AKAP8L: variants seen among roughly 807,000 people sequenced by gnomAD.
AKAP8L encodes the protein A-kinase anchor protein 8-like.
AKAP8L carries 34 observed loss-of-function variants against 77.5 expected under a neutral mutation model. That is an observed-to-expected ratio of 0.44 (90% CI 0.33 to 0.58). The LOEUF is 0.58. AKAP8L is among the 20% of genes least tolerant of loss of function. The pLI, the probability that AKAP8L is intolerant of heterozygous loss-of-function variation, is 0.02. For missense variants in AKAP8L, 806 were observed against 887.6 expected (o/e 0.91, Z 1.17); for synonymous variants, 342 against 340.7 (o/e 1.00, Z -0.04).
In AKAP8L at chr19:15,390,911, T is replaced by C. The variant is rs150771782; in HGVS notation, c.1536+6239A>G. On this transcript the variant is annotated intron_variant, in intron 12 of 13. Coordinates refer to ENST00000397410, the MANE Select transcript of AKAP8L (RefSeq NM_014371.4). ...CTTAACAGGACTAGAAGGGAACGTC[T>C]TCAACTCAATCAAGGGCACCTATGA... Among the ~76,000 whole-genome samples, 3 of 152,284 alleles carry C rather than the reference T, an allele frequency of 2.0e-5. No individual in the cohort carries two copies. In the East Asian group the frequency reaches 5.8e-4, roughly 29 times the overall value.
intron 12 of AKAP8L, among the ~76,000 whole-genome samples, chr19:15,387,841 C>G (rs1967572524): frequency 6.6e-6 from 1 of 152,104 alleles, no homozygotes; most frequent in Non-Finnish European, 1.5e-5. Flanking sequence ...TGCCTGTAAT[C>G]CCAGCTACTC....
rs1220996457 is a variant in AKAP8L at position 15,401,805 on chromosome 19, C to T, written c.363-202G>A. On this transcript the variant is annotated intron_variant, in intron 4 of 13. Coordinates refer to ENST00000397410, the MANE Select transcript of AKAP8L (RefSeq NM_014371.4). The surrounding 1 kb of genome is among the most constrained non-coding windows in gnomAD (Gnocchi z 6.2). ...ACTGCCCCAAACTTGAATGTAGCCACACACTGGCTTGGGGACCCTAAGAAG... is the reference window on the plus strand; with the variant it reads ...ACTGCCCCAAACTTGAATGTAGCCATACACTGGCTTGGGGACCCTAAGAAG... Among the ~76,000 whole-genome samples the T allele has an allele frequency of 6.6e-6, 1 of 152,226 alleles. No homozygotes were observed. The highest frequency in any genetic ancestry group is 1.5e-5 in the Non-Finnish European group (1 of 68,046).
chr19:15,380,730 C>G (rs1046528612), intron 12 of AKAP8L, 118 bp from the exon 13 acceptor site: 2 of 845,504 alleles, frequency 2.4e-6, no homozygotes, highest in East Asian at 2.6e-5. Context: ...ACTTCCAGCC[C>G]CACCAACGGA....
chr19:15,402,423 A>AC (rs1967918382), intron 4 of AKAP8L, among the ~76,000 whole-genome samples: 1 of 152,120 alleles, frequency 6.6e-6, no homozygotes, highest in African/African-American at 2.4e-5. Context: ...ACCAAGAGGC[A>AC]CCGGCAGCTC....
Position 15,418,968 on chromosome 19 carries a change from C to G in AKAP8L, c.-45G>C. The G allele has an allele frequency of 4.4e-6, 7 of 1,603,658 alleles. No homozygotes were observed. Among genetic ancestry groups the G allele is most frequent in the Non-Finnish European group, 5.9e-6 (7 of 1,179,288 alleles). ...TCCGACGACGCCGGCTTCTGCTGCT[C>G]TGAACATCCGACGCTGCGATAGCTG... On this transcript the variant is annotated 5_prime_UTR_variant, in exon 1 of 14. Coordinates refer to ENST00000397410, the MANE Select transcript of AKAP8L (RefSeq NM_014371.4).
At chr19:15,391,705 A>AT (rs1464732575) in intron 12 of AKAP8L, among the ~76,000 whole-genome samples, 1 of 150,860 alleles carries the variant, frequency 6.6e-6, no homozygotes, top group African/African-American at 2.4e-5. Flanking sequence ...CACCTGGCTA[A>AT]TTTTTTGTAT....
At chr19:15,404,868 A>G (rs1354447563) in intron 2 of AKAP8L, among the ~76,000 whole-genome samples, 2 of 152,230 alleles carry the variant, frequency 1.3e-5, no homozygotes, top group African/African-American at 4.8e-5. Context: ...TGAAAAGATG[A>G]GCCAGAGAGA....
chr19:15,404,915 C>T lies in AKAP8L; in HGVS notation c.89-873G>A, dbSNP rs571685521. Among the ~76,000 whole-genome samples the T allele has an allele frequency of 3.3e-5, 5 of 152,344 alleles. No homozygotes were observed. In the South Asian group the frequency reaches 8.3e-4, roughly 25 times the overall value. Reference sequence around the variant, plus strand: ...GTCGTCCTGCACTTGGGTTCCTCCACGACCCAGTGCACAAAAAGAATGGGA... The same window carrying T: ...GTCGTCCTGCACTTGGGTTCCTCCATGACCCAGTGCACAAAAAGAATGGGA... On this transcript the variant is annotated intron_variant, in intron 2 of 13. Coordinates refer to ENST00000397410, the MANE Select transcript of AKAP8L (RefSeq NM_014371.4).
Position 15,403,694 on chromosome 19 carries a change from C to G in AKAP8L, c.143G>C (p.Gly48Ala), listed in dbSNP as rs1303654820. 7 of 1,593,600 alleles carry G rather than the reference C, an allele frequency of 4.4e-6. No individual in the cohort carries two copies. Among genetic ancestry groups the G allele is most frequent in the Non-Finnish European group, 5.1e-6 (6 of 1,169,900 alleles). ...TNRGYEGYGY[G>A]YGYGQDNTTN... ...GGTGTTATCCTGGCCATAGCCATAG[C>G]CATAGCCATAGCCCTCGTAGCCTGC... The change falls in exon 4 of 14, where the codon GGC becomes GCC. Residue 48 changes from glycine (G) to alanine (A), a missense_variant. Around this residue, in one of 2 missense-constraint regions of AKAP8L, gnomAD observed 580 missense variants for 694.1 expected, o/e 0.84. Transcript: ENST00000397410. The surrounding 1 kb of genome is among the most constrained non-coding windows in gnomAD (Gnocchi z 4.3).
In AKAP8L at chr19:15,400,969, C is replaced by A; in HGVS notation, c.891G>T (p.Ser297=). 1 of 1,613,972 alleles carries A rather than the reference C, an allele frequency of 6.2e-7. No homozygotes were observed. Among genetic ancestry groups the A allele is most frequent in the Non-Finnish European group, 8.5e-7 (1 of 1,179,882 alleles). The change falls in exon 6 of 14, where the codon TCG becomes TCT. Residue 297 remains serine, a synonymous_variant. Coordinates refer to ENST00000397410, the MANE Select transcript of AKAP8L (RefSeq NM_014371.4). The part of the protein sequence containing the change: ...PDSKATRTDC[S]DNSDSDNDEG... Reference sequence around the variant, plus strand: ...CACCATTGTCTGAGTCGCTGTTGTCCGAGCAGTCCGTGCGGGTGGCTTTGC... The same window carrying A: ...CACCATTGTCTGAGTCGCTGTTGTCAGAGCAGTCCGTGCGGGTGGCTTTGC...
chr19:15,396,856 C>T (rs1156921928), intron 12 of AKAP8L, among the ~76,000 whole-genome samples: 1 of 152,258 alleles, frequency 6.6e-6, no homozygotes, highest in Non-Finnish European at 1.5e-5. Context: ...TCCAGCAACA[C>T]TTGCACTGTA....
rs377346079 is a variant in AKAP8L, at chr19:15,397,632, G to A, written c.1300-7C>T. The A allele has an allele frequency of 1.4e-5, 23 of 1,613,788 alleles. No individual in the cohort carries two copies. The highest frequency in any genetic ancestry group is 1.8e-5 in the Non-Finnish European group (21 of 1,179,854). On this transcript the variant is annotated splice_region_variant and splice_polypyrimidine_tract_variant and intron_variant, in intron 10 of 13. Transcript: ENST00000397410. The surrounding 1 kb of genome is among the most constrained non-coding windows in gnomAD (Gnocchi z 4.7). ...TCTTGTTAGTGACGTACTCCTGCAA[G>A]GAATATAAAGGTTCATGTGGGCCGC... is the stretch of plus-strand genomic sequence containing the variant.
intron 2 of AKAP8L, 89 bp from the exon 3 acceptor site, chr19:15,404,131 C>A: frequency 7.2e-7 from 1 of 1,394,740 alleles, no homozygotes; most frequent in South Asian, 1.2e-5. Context: ...CAGGACCTGA[C>A]TGGTCAGAGC....
chr19:15,396,969 C>T (rs931838124), intron 12 of AKAP8L, among the ~76,000 whole-genome samples, 181 bp downstream of exon 12: 1 of 152,202 alleles, frequency 6.6e-6, no homozygotes, highest in Non-Finnish European at 1.5e-5. Flanking sequence ...GCAGAGTCCC[C>T]ATCTCTCACC....
rs1366243137 is a variant in AKAP8L at position 15,380,371 on chromosome 19, G to A, written c.1692C>T (p.Gly564=). The change falls in exon 14 of 14, where the codon GGC becomes GGT. Residue 564 remains glycine, a synonymous_variant. Transcript: ENST00000397410. ...CCTGCGCCCCCTCGTCCAGGGCACC[G>A]CCCTCAGCCTCCTCCTGCTCCTTCT... The part of the protein sequence containing the change: ...EEEKEQEEAE[G]GALDEGAQGE... 1.3e-6 allele frequency: 2 copies of A among 1,567,586 alleles called. No homozygotes were observed. Among genetic ancestry groups the A allele is most frequent in the African/African-American group, 1.4e-5 (1 of 73,952 alleles).
Position 15,399,426 on chromosome 19 carries a change from G to A in AKAP8L, c.1049-16C>T. ...GTTAGGGCCCCTGTGGGAGCAGATG[G>A]GCACTGTCACCAATTTGGCTCTGCC... is the stretch of plus-strand genomic sequence containing the variant. On this transcript the variant is annotated splice_polypyrimidine_tract_variant and intron_variant, in intron 8 of 13. Transcript: ENST00000397410. The surrounding 1 kb of genome is among the most constrained non-coding windows in gnomAD (Gnocchi z 6.1). The A allele has an allele frequency of 1.2e-6, 2 of 1,601,972 alleles. No individual in the cohort carries two copies. The highest frequency in any genetic ancestry group is 1.1e-5 in the South Asian group (1 of 90,866).
chr19:15,380,744 C>T, intron 12 of AKAP8L, 132 bp from the exon 13 acceptor site: 1 of 719,508 alleles, frequency 1.4e-6, no homozygotes, highest in Non-Finnish European at 2.4e-6. Flanking sequence ...CAACGGAGGG[C>T]CACTCCACAA....
At chr19:15,380,460 A>C in intron 13 of AKAP8L, 30 bp from the exon 14 acceptor site, 1 of 1,611,804 alleles carries the variant, frequency 6.2e-7, no homozygotes, top group Non-Finnish European at 8.5e-7. Flanking sequence ...CACTGAAGGG[A>C]GGGAGCACAG....
Position 15,380,264 on chromosome 19 carries a change from A to G in AKAP8L, c.1799T>C (p.Val600Ala). The G allele has an allele frequency of 1.3e-6, 2 of 1,500,102 alleles. No individual in the cohort carries two copies. Among genetic ancestry groups the G allele is most frequent in the Non-Finnish European group, 1.8e-6 (2 of 1,135,006 alleles). 92.9% of individuals were successfully genotyped at this position (1,500,102 alleles called of 1,614,324 possible). Residue 600 changes from valine to alanine, a missense_variant, in exon 14 of 14, where the codon GTG (valine) becomes GCG (alanine). Val to Ala is a moderately conservative substitution (Grantham distance 64, BLOSUM62 0). Transcript: ENST00000397410. ...PVPPEPAPGA[V>A]SPPPPPPPEE... Reference sequence around the variant, plus strand: ...TGGGGGCGGCGGCGGTGGCGGCGACACGGCCCCGGGGGCTGGCTCTGGGGG... The same window carrying G: ...TGGGGGCGGCGGCGGTGGCGGCGACGCGGCCCCGGGGGCTGGCTCTGGGGG...
Sources: allele counts gnomAD v4.1 joint callset (sites outside exome capture counted in the v4.1 genomes callset), GRCh38; gene constraint gnomAD v4.1.1; regional missense constraint gnomAD v4.1.1; non-coding constraint Gnocchi (gnomAD v3.1); transcripts MANE v1.5; gene names NCBI Gene and HGNC (gene_info 2026-07-23, HGNC 2026-07-21).